The following DCAF8L2 variants were observed in gnomAD, a reference collection of about 807,000 sequenced individuals.
DCAF8L2 encodes the protein DDB1 and CUL4 associated factor 8 like 2.
For missense variants in DCAF8L2, 430 were observed against 490.7 expected (o/e 0.88, Z 1.17); for synonymous variants, 200 against 190.9 (o/e 1.05, Z -0.39).
At chrX:27,480,320 G>T in the DCAF8L2 span, among the ~76,000 whole-genome samples, 2 of 112,154 alleles carry the variant, frequency 1.8e-5, no homozygotes, top group African/African-American at 3.2e-5. Context: ...ATAAGTGGGT[G>T]TGCCAGTTAT....
chrX:27,544,830 C>G, the DCAF8L2 span, among the ~76,000 whole-genome samples: 1 of 111,676 alleles, frequency 9.0e-6, no homozygotes, highest in African/African-American at 3.3e-5. Context: ...TGAGATATCA[C>G]TATTTTCTCA....
In DCAF8L2 at chrX:27,745,106, T is replaced by A. The variant is rs1344159307; in HGVS notation, c.-58-1732T>A. Among the ~76,000 whole-genome samples, 105 of 111,829 alleles carry A rather than the reference T, an allele frequency of 9.4e-4. 1 individual carries two copies. In the Admixed American group the frequency reaches 1.0e-2, roughly 11 times the overall value. On this transcript the variant is annotated intron_variant, in intron 4 of 4. Transcript: ENST00000451261. The stretch of plus-strand genomic sequence containing the variant: ...GAGCAAGACCCCTTGTTTATGAACA[T>A]GAATTCTTTTAAAGAATTACTATGC...
the DCAF8L2 span, among the ~76,000 whole-genome samples, chrX:27,551,851 A>G: frequency 8.9e-6 from 1 of 111,846 alleles, no homozygotes; most frequent in Non-Finnish European, 1.9e-5. Context: ...TATATACCCA[A>G]TAGTTTAATT....
At chrX:27,629,284 T>A (rs966550497) in intron 1 of DCAF8L2, among the ~76,000 whole-genome samples, 1 of 111,782 alleles carries the variant, frequency 8.9e-6, no homozygotes, top group African/African-American at 3.3e-5. Flanking sequence ...CTTACTGCCA[T>A]GACAAATGTG....
At chrX:27,645,162 A>G (rs1450835620) in intron 2 of DCAF8L2, among the ~76,000 whole-genome samples, 1 of 112,146 alleles carries the variant, frequency 8.9e-6, no homozygotes, top group East Asian at 2.8e-4. Context: ...ATTGATGGAA[A>G]AATCCTCAAT....
rs755634236 is a variant in DCAF8L2 at position 27,747,621 on chromosome X, G to A, written c.726G>A (p.Arg242=). Reference sequence around the variant, plus strand: ...TACACTTTAACCAGCGTGGCACCCGGCTGGCCAGTAGCGGTGATGACCTAA... The same window carrying A: ...TACACTTTAACCAGCGTGGCACCCGACTGGCCAGTAGCGGTGATGACCTAA... The part of the protein sequence containing the change: ...NTVHFNQRGT[R]LASSGDDLKV... The change falls in exon 5 of 5, where the codon CGG becomes CGA. Residue 242 remains arginine (R), a synonymous_variant. Transcript: ENST00000451261. 8.3e-6 allele frequency: 10 copies of A among 1,205,846 alleles called. No homozygotes were observed. The highest frequency in any genetic ancestry group is 1.8e-5 in the South Asian group (1 of 55,860).
chrX:27,635,901 T>C (rs1178903364), intron 2 of DCAF8L2, among the ~76,000 whole-genome samples: 1 of 107,130 alleles, frequency 9.3e-6, no homozygotes, highest in Non-Finnish European at 1.9e-5. Flanking sequence ...AACCTCCGCC[T>C]CCCGGGTTCA....
the DCAF8L2 span, among the ~76,000 whole-genome samples, chrX:27,514,391 C>T: frequency 1.5e-4 from 16 of 109,929 alleles, no homozygotes; most frequent in East Asian, 1.2e-3. Flanking sequence ...TGAAATCGGC[C>T]GCGCGCGGTG....
At chrX:27,587,985 A>AAAAAAAAAAAATATATATATATATATAT, upstream of DCAF8L2, among the ~76,000 whole-genome samples, 1 of 22,369 alleles carries the variant, frequency 4.5e-5, no homozygotes, top group African/African-American at 9.8e-5. Flanking sequence ...TAAAAAAAAA[A>AAAAAAAAAAAATATATATATATATATAT]ATATATATAT....
the DCAF8L2 span, among the ~76,000 whole-genome samples, chrX:27,548,648 A>G: frequency 3.3e-3 from 359 of 109,318 alleles, 1 homozygote; most frequent in Non-Finnish European, 5.3e-3. Context: ...GAACAGTGTT[A>G]CAACATTTTC....
the DCAF8L2 span, among the ~76,000 whole-genome samples, chrX:27,574,537 C>T: frequency 1.8e-5 from 2 of 112,026 alleles, no homozygotes; most frequent in East Asian, 5.7e-4. Flanking sequence ...AATTGAAAAA[C>T]ATTTACTTTG....
At chrX:27,712,956 T>C (rs745532307) in intron 3 of DCAF8L2, among the ~76,000 whole-genome samples, 1 of 111,504 alleles carries the variant, frequency 9.0e-6, no homozygotes, top group East Asian at 2.8e-4. Flanking sequence ...TCAGAAAATA[T>C]GTGTAAGGAG....
At chrX:27,597,769 A>C (rs1330698937) in intron 1 of DCAF8L2, among the ~76,000 whole-genome samples, 1 of 112,416 alleles carries the variant, frequency 8.9e-6, no homozygotes, top group Admixed American at 9.4e-5. Context: ...AACCCAGGAA[A>C]GCATTAAATG....
At chrX:27,611,414 G>A (rs772012812) in intron 1 of DCAF8L2, among the ~76,000 whole-genome samples, 1 of 108,754 alleles carries the variant, frequency 9.2e-6, no homozygotes, top group East Asian at 2.9e-4. Context: ...CCTACAGAAC[G>A]GGAGAACATT....
intron 3 of DCAF8L2, among the ~76,000 whole-genome samples, chrX:27,690,698 C>T (rs1930682471): frequency 9.0e-6 from 1 of 110,936 alleles, no homozygotes; most frequent in South Asian, 3.8e-4. Context: ...TGGCCTTTAC[C>T]TCCTCTCTTT....
chrX:27,549,150 A>G, the DCAF8L2 span, among the ~76,000 whole-genome samples: 10,657 of 110,903 alleles, frequency 0.096, 408 homozygotes, highest in Non-Finnish European at 0.12. Flanking sequence ...TTTAGTGGCA[A>G]TTGCATGAAT....
upstream of DCAF8L2, among the ~76,000 whole-genome samples, chrX:27,587,766 TAAG>T (rs1925931289): frequency 9.1e-6 from 1 of 109,995 alleles, no homozygotes; most frequent in Non-Finnish European, 1.9e-5. Flanking sequence ...CAGGTTAAAA[TAAG>T]AAGTAGTTTG....
chrX:27,733,517 A>T (rs988112011), intron 4 of DCAF8L2, among the ~76,000 whole-genome samples: 1 of 111,667 alleles, frequency 9.0e-6, no homozygotes, highest in African/African-American at 3.3e-5. Flanking sequence ...TACTATACAG[A>T]TGCTTTTTAG....
At chrX:27,594,549 A>G (rs775869110) in intron 1 of DCAF8L2, among the ~76,000 whole-genome samples, 3 of 111,756 alleles carry the variant, frequency 2.7e-5, no homozygotes, top group Non-Finnish European at 5.6e-5. Flanking sequence ...TTCTAAATCA[A>G]ATAAAATTAT....
Sources: gnomAD v4.1 joint callset for allele counts (sites outside exome capture counted in the v4.1 genomes callset) on GRCh38, gnomAD v4.1.1 for gene constraint, MANE v1.5 for transcripts, NCBI Gene and HGNC (gene_info 2026-07-23, HGNC 2026-07-21) for gene names.